ROBO3: variants seen among roughly 807,000 people sequenced by gnomAD.
ROBO3 encodes roundabout guidance receptor 3, also known as roundabout homolog 3.
Under a neutral mutation model 160.5 loss-of-function variants are expected in ROBO3, and 97 were observed. That is an observed-to-expected ratio of 0.60 (90% CI 0.51 to 0.72). The LOEUF is 0.72. ROBO3 is among the 30% of genes least tolerant of loss of function. The pLI, the probability that ROBO3 is intolerant of heterozygous loss-of-function variation, is 0.00. For missense variants in ROBO3, 1,858 were observed against 1,846.5 expected (o/e 1.01, Z -0.11); for synonymous variants, 780 against 746.2 (o/e 1.05, Z -0.74).
rs749493341 is a variant in ROBO3, at chr11:124,876,003, C to T, written c.2471C>T (p.Ala824Val). The change falls in exon 16 of 28, where the codon GCA (alanine) becomes GTA (valine). Residue 824 changes from alanine to valine, a missense_variant. Physicochemically the swap from Ala to Val is moderately conservative, Grantham distance 64. Transcript: ENST00000397801. This position sits in a 1 kb window ranked among gnomAD's most constrained non-coding sequence, Gnocchi z 5.3. ...ESRFHLNRSA[A>V]GWARSAMLRG... ...CGCTTTCACCTCAATCGATCTGCAGCAGGCTGGGCACGCTCCGCAATGCTC... is the reference window on the plus strand; with the variant it reads ...CGCTTTCACCTCAATCGATCTGCAGTAGGCTGGGCACGCTCCGCAATGCTC... The T allele has an allele frequency of 6.2e-7, 1 of 1,601,090 alleles. No homozygotes were observed.
chr11:124,872,996 T>C lies in ROBO3; in HGVS notation c.1443T>C (p.Ser481=), dbSNP rs752859573. The change falls in exon 9 of 28, where the codon AGT becomes AGC. Residue 481 remains serine, a synonymous_variant. Transcript: ENST00000397801. This position sits in a 1 kb window ranked among gnomAD's most constrained non-coding sequence, Gnocchi z 4.3. ...GAGTGACTGGGAACCCTCAACCCAG[T>C]GTCCGATGGAAGAAGGATGGGCAGT... ...PCRVTGNPQP[S]VRWKKDGQWL... is the part of the protein sequence containing the mutation. 6.2e-7 allele frequency: 1 copy of C among 1,613,866 alleles called. No homozygotes were observed. Among genetic ancestry groups the C allele is most frequent in the African/African-American group, 1.3e-5 (1 of 75,038 alleles).
chr11:124,872,819 G>C lies in ROBO3; in HGVS notation c.1331-65G>C. 2 of 1,364,636 alleles carry C rather than the reference G, an allele frequency of 1.5e-6. No homozygotes were observed. Among genetic ancestry groups the C allele is most frequent in the Admixed American group, 5.0e-5 (2 of 40,242 alleles). The allele number at this position is 1,364,636 out of a possible 1,614,324, so 84.5% of individuals were successfully genotyped here. A position where few individuals can be genotyped will look rare whatever the true frequency, so the allele number is the denominator to read the frequency against. On this transcript the variant is annotated intron_variant, in intron 8 of 27. Coordinates refer to ENST00000397801, the MANE Select transcript of ROBO3 (RefSeq NM_022370.4). The surrounding 1 kb of genome is among the most constrained non-coding windows in gnomAD (Gnocchi z 4.3). ...GGAGGGTGAAGGAGCAGAGAATGAG[G>C]ACAAGGGGCTGCCCGCGGGGCCCTA...
chr11:124,880,721 G>A, intron 27 of ROBO3, 113 bp downstream of exon 27: 1 of 1,408,316 alleles, frequency 7.1e-7, no homozygotes, highest in Non-Finnish European at 9.3e-7. Context: ...GTCAAAAGGA[G>A]GGGATCGAGA....
intron 14 of ROBO3, 60 bp downstream of exon 14, chr11:124,875,396 T>C: frequency 1.2e-6 from 1 of 831,012 alleles, no homozygotes. Context: ...GGGGTGGAGG[T>C]GGAGGGGGGA....
In ROBO3 at chr11:124,875,206, C is replaced by T; in HGVS notation, c.2169C>T (p.Ser723=). The change falls in exon 14 of 28, where the codon TCC becomes TCT. Residue 723 remains serine, a synonymous_variant. Coordinates refer to ENST00000397801, the MANE Select transcript of ROBO3 (RefSeq NM_022370.4). ...GCTGGACAATGTTGGACCTACAGTC[C>T]CCAAGCCAGCAAAGTACTGTGCTAA... The part of the protein sequence containing the change: ...GGSWTMLDLQ[S]PSQQSTVLRG... 3 of 1,613,758 alleles carry T rather than the reference C, an allele frequency of 1.9e-6. No homozygotes were observed. The highest frequency in any genetic ancestry group is 2.5e-6 in the Non-Finnish European group (3 of 1,179,850).
rs1346336138 is a variant in ROBO3, at chr11:124,869,169, TG to T, written c.487+45del. On this transcript the variant is annotated intron_variant, in intron 2 of 27. Coordinates refer to ENST00000397801, the MANE Select transcript of ROBO3 (RefSeq NM_022370.4). This position sits in a 1 kb window ranked among gnomAD's most constrained non-coding sequence, Gnocchi z 4.2. The stretch of plus-strand genomic sequence containing the variant: ...CCGTCAGCTGGTTGCTTCCAGAGCC[TG>T]GGGTAGGCGGGAGGGCACTGGGCAA... 21 of 1,499,170 alleles carry T rather than the reference TG, an allele frequency of 1.4e-5. No homozygotes were observed. The highest frequency in any genetic ancestry group is 1.8e-5 in the Non-Finnish European group (20 of 1,118,966). The allele number at this position is 1,499,170 out of a possible 1,614,324, so 92.9% of individuals were successfully genotyped here.
rs1856900199 is a variant in ROBO3 at position 124,879,338 on chromosome 11, C to T, written c.3682C>T (p.Pro1228Ser). ...TGCCCCTAGCACAGCCAGCAGTGCC[C>T]CAGGTAAGTCTCTACAACCTCCTTT... ...SPAPSTASSA[P>S]GRTWQGNGEM... Residue 1228 changes from proline to serine, a missense_variant, in exon 24 of 28, where the codon CCA (proline) becomes TCA (serine). By Grantham distance (74) the Pro-to-Ser change is moderately conservative. Transcript: ENST00000397801. 1 of 1,608,428 alleles carries T rather than the reference C, an allele frequency of 6.2e-7. No individual in the cohort carries two copies. Among genetic ancestry groups the T allele is most frequent in the Non-Finnish European group, 8.5e-7 (1 of 1,176,450 alleles).
In ROBO3 at chr11:124,865,677, A is replaced by G; in HGVS notation, c.100A>G (p.Asn34Asp). Residue 34 changes from asparagine (N) to aspartate (D), a missense_variant, in exon 1 of 28, where the codon AAC becomes GAC. Coordinates refer to ENST00000397801, the MANE Select transcript of ROBO3 (RefSeq NM_022370.4). The surrounding 1 kb of genome is among the most constrained non-coding windows in gnomAD (Gnocchi z 5.5). ...SNSSELLLGF[N>D]SSLAALNHTL... ...CTCCAGCGAGCTGCTCTTGGGCTTC[A>G]ACTCCTCGCTGGCGGCGCTCAACCA... is the stretch of plus-strand genomic sequence containing the variant. The G allele has an allele frequency of 6.2e-7, 1 of 1,612,262 alleles. No individual in the cohort carries two copies. The highest frequency in any genetic ancestry group is 8.5e-7 in the Non-Finnish European group (1 of 1,179,424).
At chr11:124,879,119 C>T in intron 23 of ROBO3, 71 bp from the exon 24 acceptor site, 1 of 1,481,178 alleles carries the variant, frequency 6.8e-7, no homozygotes, top group South Asian at 1.3e-5. Flanking sequence ...TTGTCTAGCA[C>T]AGTGCCAGGC....
chr11:124,870,640 T>G lies in ROBO3; in HGVS notation c.945T>G (p.His315Gln). The change falls in exon 6 of 28, where the codon CAT becomes CAG. Residue 315 changes from histidine (H) to glutamine (Q), a missense_variant. Coordinates refer to ENST00000397801, the MANE Select transcript of ROBO3 (RefSeq NM_022370.4). ...IRSDHSLWIG[H>Q]VSAEDEGTYT... ...GTGACCACAGCCTTTGGATTGGGCA[T>G]GTGAGTGCCGAAGATGAGGGAACGT... 6.2e-7 allele frequency: 1 copy of G among 1,613,554 alleles called. No homozygotes were observed. The highest frequency in any genetic ancestry group is 8.5e-7 in the Non-Finnish European group (1 of 1,179,778).
chr11:124,873,122 G>A lies in ROBO3; in HGVS notation c.1536+33G>A. On this transcript the variant is annotated intron_variant, in intron 9 of 27. Coordinates refer to ENST00000397801, the MANE Select transcript of ROBO3 (RefSeq NM_022370.4). The surrounding 1 kb of genome is among the most constrained non-coding windows in gnomAD (Gnocchi z 4.5). ...TCACCCCTGGGGCCCTAGTAGCTGA[G>A]AATGGCTATCTGCTCCACGTTCCTT... 1 of 1,592,420 alleles carries A rather than the reference G, an allele frequency of 6.3e-7. No individual in the cohort carries two copies.
chr11:124,876,575 C>A lies in ROBO3; in HGVS notation c.2779+115C>A. Reference sequence around the variant, plus strand: ...ACCGGGTCGGGAGAAAGGGGTCGCACCTGGAGTTCAGCCTCTTGGGTAGGG... The same window carrying A: ...ACCGGGTCGGGAGAAAGGGGTCGCAACTGGAGTTCAGCCTCTTGGGTAGGG... On this transcript the variant is annotated intron_variant, in intron 17 of 27. Transcript: ENST00000397801. The surrounding 1 kb of genome is among the most constrained non-coding windows in gnomAD (Gnocchi z 5.3). The A allele has an allele frequency of 2.2e-6, 2 of 896,358 alleles. No homozygotes were observed. The highest frequency in any genetic ancestry group is 3.1e-6 in the Non-Finnish European group (2 of 654,072). 55.5% of individuals were successfully genotyped at this position (896,358 alleles called of 1,614,324 possible).
In ROBO3 at chr11:124,875,691, G is replaced by A. The variant is rs1181088507; in HGVS notation, c.2421+6G>A. 1.2e-6 allele frequency: 2 copies of A among 1,601,042 alleles called. No homozygotes were observed. The highest frequency in any genetic ancestry group is 1.7e-6 in the Non-Finnish European group (2 of 1,173,802). On this transcript the variant is annotated splice_donor_region_variant and intron_variant, in intron 15 of 27. Transcript: ENST00000397801. ...GGGTCATCACGGAATACCAGGTAGA[G>A]GGATTGAGGAGGGACTGGATGGGAG...
In ROBO3 at chr11:124,878,656, G is replaced by A. The variant is rs1946469929; in HGVS notation, c.3393G>A (p.Gly1131=). 3.7e-6 allele frequency: 6 copies of A among 1,613,510 alleles called. No homozygotes were observed. Among genetic ancestry groups the A allele is most frequent in the Non-Finnish European group, 5.1e-6 (6 of 1,179,700 alleles). Residue 1131 remains glycine (G), a synonymous_variant, in exon 23 of 28, where the codon GGG becomes GGA. Transcript: ENST00000397801. This position sits in a 1 kb window ranked among gnomAD's most constrained non-coding sequence, Gnocchi z 4.3. ...SHLTEPSSSG[G]CLVTPSRRET... is the part of the protein sequence containing the mutation. ...TGACGGAGCCCAGCTCCAGTGGAGG[G>A]TGCCTGGTCACCCCATCCCGAAGGG...
chr11:124,879,682 C>A, intron 25 of ROBO3, 105 bp from the exon 26 acceptor site: 1 of 1,549,674 alleles, frequency 6.5e-7, no homozygotes, highest in South Asian at 1.2e-5. Flanking sequence ...GAACCCCAAT[C>A]TTGGGCTGTT....
At chr11:124,877,880 C>T (rs762390813) in intron 20 of ROBO3, 57 bp from the exon 21 acceptor site, 7 of 1,290,590 alleles carry the variant, frequency 5.4e-6, no homozygotes, top group Non-Finnish European at 6.6e-6. Context: ...GTCTTCCATT[C>T]TGTTGTCCTC....
At position 124,869,886 on chromosome 11, in the gene ROBO3, C is replaced by T. The variant is rs1946256488; in HGVS notation, c.646-62C>T. 3.3e-6 allele frequency: 5 copies of T among 1,528,338 alleles called. No homozygotes were observed. The South Asian group carries it at 6.0e-5, about 18-fold the overall frequency. The allele number at this position is 1,528,338 out of a possible 1,614,324, so 94.7% of individuals were successfully genotyped here. On this transcript the variant is annotated intron_variant, in intron 3 of 27. Coordinates refer to ENST00000397801, the MANE Select transcript of ROBO3 (RefSeq NM_022370.4). This position sits in a 1 kb window ranked among gnomAD's most constrained non-coding sequence, Gnocchi z 4.2. ...ATACATATGTATATACACATATATT[C>T]ACCATATATATATACGCTGTGATAG...
chr11:124,871,162 T>C, intron 7 of ROBO3, 24 bp downstream of exon 7: 4 of 1,600,062 alleles, frequency 2.5e-6, no homozygotes, highest in Non-Finnish European at 3.4e-6. Context: ...TCCAAGGAGC[T>C]TCCCATCAGC....
intron 1 of ROBO3, among the ~76,000 whole-genome samples, chr11:124,867,790 AG>A (rs1946220455): frequency 3.1e-5 from 1 of 32,390 alleles, no homozygotes; most frequent in Non-Finnish European, 6.0e-5. Context: ...AGGGGGGAAC[AG>A]GGGGAGGGGG....
Sources: gnomAD v4.1 joint callset for allele counts (sites outside exome capture counted in the v4.1 genomes callset) on GRCh38, gnomAD v4.1.1 for gene constraint, Gnocchi (gnomAD v3.1) non-coding constraint, MANE v1.5 for transcripts, NCBI Gene and HGNC (gene_info 2026-07-23, HGNC 2026-07-21) for gene names.